Variants in NECTIN1 observed in about 807,000 individuals in gnomAD.
The protein encoded by NECTIN1 is nectin-1.
Under a neutral mutation model 48.0 loss-of-function variants are expected in NECTIN1, and 23 were observed. The ratio of observed to expected loss-of-function variants is 0.48; its 90% CI spans 0.34 to 0.68. NECTIN1 has a LOEUF of 0.68. Among genes scored for constraint, NECTIN1 ranks in the 30% least tolerant of loss-of-function variants. The pLI is 0.01. For missense variants in NECTIN1, 591 were observed against 709.9 expected, an observed-to-expected ratio of 0.83 and a Z score of 1.90; for synonymous variants, 270 against 288.9, an observed-to-expected ratio of 0.93 and a Z score of 0.66.
At chr11:119,717,860 A>G (rs1476288588) in intron 1 of NECTIN1, among the ~76,000 whole-genome samples, 1 of 152,170 alleles carries the variant, frequency 6.6e-6, no homozygotes, top group African/African-American at 2.4e-5. Flanking sequence ...GGCAGGTCCT[A>G]TGCCCTCCTT....
intron 5 of NECTIN1, among the ~76,000 whole-genome samples, chr11:119,648,291 G>GCT (rs1304614161): frequency 2.0e-4 from 7 of 35,268 alleles, no homozygotes; most frequent in African/African-American, 8.0e-4. Context: ...TGGTGGTGAT[G>GCT]GTGGTGGTGG....
Position 119,664,878 on chromosome 11 carries a change from C to T in NECTIN1, c.1423G>A (p.Glu475Lys), listed in dbSNP as rs371752868. The T allele has an allele frequency of 2.4e-5, 38 of 1,613,932 alleles. No individual in the cohort carries two copies. Among genetic ancestry groups the T allele is most frequent in the Non-Finnish European group, 2.9e-5 (34 of 1,179,966 alleles). ...TCCCCGTAGCCGTCCTGACGGGCCT[C>T]GGCCTCATCCACGGTGAAGTAGGGC... ...KRPYFTVDEA[E>K]ARQDGYGDRT... The change falls in exon 6 of 6, where the codon GAG becomes AAG. Residue 475 changes from glutamate to lysine, a missense_variant. Glu to Lys is a moderately conservative substitution (Grantham distance 56). Transcript: ENST00000264025.
chr11:119,646,446 C>G (rs1591437310), intron 5 of NECTIN1, among the ~76,000 whole-genome samples: 1 of 151,564 alleles, frequency 6.6e-6, no homozygotes, highest in South Asian at 2.1e-4. Flanking sequence ...GTTGGCCCAT[C>G]CCCCCTCCGT....
intron 1 of NECTIN1, among the ~76,000 whole-genome samples, chr11:119,717,448 C>T (rs963153293): frequency 5.3e-5 from 8 of 151,524 alleles, no homozygotes; most frequent in South Asian, 2.1e-4. Flanking sequence ...CCACCCTGCC[C>T]GGGAAGGGAG....
Position 119,678,293 on chromosome 11 carries a change from A to G in NECTIN1, c.430+122T>C. 1.1e-6 allele frequency: 1 copy of G among 945,968 alleles called. No homozygotes were observed. Among genetic ancestry groups the G allele is most frequent in the Non-Finnish European group, 1.7e-6 (1 of 585,166 alleles). 58.6% of individuals were successfully genotyped at this position (945,968 alleles called of 1,614,324 possible). On this transcript the variant is annotated intron_variant, in intron 2 of 5. Transcript: ENST00000264025. This position sits in a 1 kb window ranked among gnomAD's most constrained non-coding sequence, Gnocchi z 4.4. ...AGAAGGGACTGGAAGCCTCATGCCT[A>G]GAATGATGGCAGCATGCCCACCCAA... is the stretch of plus-strand genomic sequence containing the variant.
chr11:119,703,459 T>C (rs1865489886), intron 1 of NECTIN1, among the ~76,000 whole-genome samples: 1 of 152,196 alleles, frequency 6.6e-6, no homozygotes, highest in South Asian at 2.1e-4. Context: ...GGTGTTTGCC[T>C]TGGACTTGTC....
intron 1 of NECTIN1, chr11:119,713,832 G>C: frequency 2.2e-6 from 1 of 455,854 alleles, no homozygotes; most frequent in Admixed American, 2.3e-5. Flanking sequence ...TCGGCGAGGG[G>C]AGGCACTGTT....
At chr11:119,723,184 A>C (rs947296482) in intron 1 of NECTIN1, among the ~76,000 whole-genome samples, 1 of 131,530 alleles carries the variant, frequency 7.6e-6, no homozygotes, top group African/African-American at 3.0e-5. Flanking sequence ...TTGCCACTGC[A>C]CTCCAGCCTG....
chr11:119,683,708 G>A lies in NECTIN1; in HGVS notation c.80-4943C>T, dbSNP rs939908146. Among the ~76,000 whole-genome samples the A allele has an allele frequency of 5.9e-5, 9 of 151,886 alleles. No homozygotes were observed. The highest frequency in any genetic ancestry group is 5.9e-4 in the Admixed American group (9 of 15,270). On this transcript the variant is annotated intron_variant, in intron 1 of 5. Coordinates refer to ENST00000264025, the MANE Select transcript of NECTIN1 (RefSeq NM_002855.5). The surrounding 1 kb of genome is among the most constrained non-coding windows in gnomAD (Gnocchi z 4.0). ...CATAGAACCTGTGCCCTCAGCAGAG[G>A]GGCTCTTGCATCCCACAGATATCAA...
At chr11:119,650,055 A>T (rs1430782360) in intron 5 of NECTIN1, among the ~76,000 whole-genome samples, 1 of 150,982 alleles carries the variant, frequency 6.6e-6, no homozygotes, top group Non-Finnish European at 1.5e-5. Context: ...GGAAAATTAC[A>T]GTCAAAGGGG....
Position 119,665,113 on chromosome 11 carries a change from A to C in NECTIN1, c.1188T>G (p.Tyr396Ter). ...TGCCTGCCTTGCTGTAGCCGTTGCC[A>C]TACACGTGCTTCTTGGTGCTGTAGT... ...KGDYSTKKHV[Y>*]GNGYSKAGIP... is the part of the protein sequence containing the mutation. Residue 396 changes from tyrosine (Y) to a stop codon, truncating the protein, a stop_gained, in exon 6 of 6, where the codon TAT becomes TAG. Coordinates refer to ENST00000264025, the MANE Select transcript of NECTIN1 (RefSeq NM_002855.5). LOFTEE classifies it high-confidence loss of function. The surrounding 1 kb of genome is among the most constrained non-coding windows in gnomAD (Gnocchi z 5.1). The C allele has an allele frequency of 1.9e-6, 3 of 1,613,956 alleles. No homozygotes were observed. Among genetic ancestry groups the C allele is most frequent in the Non-Finnish European group, 1.7e-6 (2 of 1,179,982 alleles).
intron 1 of NECTIN1, among the ~76,000 whole-genome samples, chr11:119,724,254 C>A (rs969933473): frequency 2.6e-5 from 4 of 152,182 alleles, no homozygotes; most frequent in African/African-American, 9.7e-5. Flanking sequence ...TTTGCCCCTC[C>A]CAGCCGTTCA....
chr11:119,675,603 A>G, intron 4 of NECTIN1: 1 of 362,524 alleles, frequency 2.8e-6, no homozygotes, highest in Admixed American at 4.0e-5. Context: ...GCTAGCAGGC[A>G]GCAGCATGGG....
downstream of NECTIN1, chr11:119,659,341 G>A (rs1864623479): frequency 6.6e-6 from 1 of 152,246 alleles, no homozygotes; most frequent in Non-Finnish European, 1.5e-5. Flanking sequence ...TGGGAACGGA[G>A]AGAAAGGCCT....
intron 5 of NECTIN1, chr11:119,640,332 C>T (rs998843921): frequency 1.5e-5 from 6 of 407,996 alleles, no homozygotes; most frequent in South Asian, 5.5e-5. Flanking sequence ...CCCGTCATTC[C>T]ATTTCTGGCC....
Position 119,662,868 on chromosome 11 carries a change from C to T in NECTIN1, c.*1879G>A, listed in dbSNP as rs559892475. 4.2e-5 allele frequency: 41 copies of T among 986,104 alleles called. No homozygotes were observed. Among genetic ancestry groups the T allele is most frequent in the Non-Finnish European group, 4.6e-5 (38 of 830,150 alleles). The allele number at this position is 986,104 out of a possible 1,614,324, so 61.1% of individuals were successfully genotyped here. ...TGTAGAGGGGAGAGCCGCACCAGGG[C>T]TGGCATGGCTTCAGACTTCTGCTAC... is the stretch of plus-strand genomic sequence containing the variant. On this transcript the variant is annotated 3_prime_UTR_variant, in exon 6 of 6. Transcript: ENST00000264025. The surrounding 1 kb of genome is among the most constrained non-coding windows in gnomAD (Gnocchi z 5.3).
In NECTIN1 at chr11:119,684,122, A is replaced by G. The variant is rs1865112840; in HGVS notation, c.80-5357T>C. Among the ~76,000 whole-genome samples, 2 of 152,192 alleles carry G rather than the reference A, an allele frequency of 1.3e-5. No homozygotes were observed. The highest frequency in any genetic ancestry group is 4.8e-5 in the African/African-American group (2 of 41,468). On this transcript the variant is annotated intron_variant, in intron 1 of 5. Transcript: ENST00000264025. This position sits in a 1 kb window ranked among gnomAD's most constrained non-coding sequence, Gnocchi z 5.2. The stretch of plus-strand genomic sequence containing the variant: ...CGCTCCCCACATACCCACTTAAAGC[A>G]GTTTCTCTTCCTGCCCTTTTAACCC...
rs143444617 is a variant in NECTIN1 at position 119,671,440 on chromosome 11, C to T, written c.1003+3719G>A. Among the ~76,000 whole-genome samples the T allele has an allele frequency of 1.9e-3, 282 of 152,198 alleles. 2 individuals carry two copies. The highest frequency in any genetic ancestry group is 9.7e-3 in the South Asian group (47 of 4,826). ...AGACAGTGGGGAAGTGGGGGCTCTGCATGCCTTTGGGGTCCTGGTTCTCTG... is the reference window on the plus strand; with the variant it reads ...AGACAGTGGGGAAGTGGGGGCTCTGTATGCCTTTGGGGTCCTGGTTCTCTG... On this transcript the variant is annotated intron_variant, in intron 5 of 5. Transcript: ENST00000264025.
At chr11:119,676,828 CTCTT>C (rs1864959071) in intron 4 of NECTIN1, 3 of 500,300 alleles carry the variant, frequency 6.0e-6, no homozygotes, top group South Asian at 2.1e-5. Flanking sequence ...AACGACAAAA[CTCTT>C]TATTAGGAAG....
Sources: gnomAD v4.1 joint callset for allele counts (sites outside exome capture counted in the v4.1 genomes callset) on GRCh38, gnomAD v4.1.1 for gene constraint, Gnocchi (gnomAD v3.1) non-coding constraint, MANE v1.5 for transcripts, NCBI Gene and HGNC (gene_info 2026-07-23, HGNC 2026-07-21) for gene names.